The following ARL6 variants were observed in gnomAD, a reference collection of about 807,000 sequenced individuals.
The protein encoded by ARL6 is ADP-ribosylation factor-like protein 6.
A neutral mutation model predicts 27.1 loss-of-function variants in ARL6; 18 were observed. The observed-to-expected ratio is 0.66, with a 90% CI of 0.46 to 0.98. The LOEUF (loss-of-function observed/expected upper bound fraction) is 0.98. ARL6 is among the 50% of genes least tolerant of loss of function. The pLI is 0.00. For missense variants in ARL6, 187 were observed against 214.9 expected (o/e 0.87, Z 0.81); for synonymous variants, 65 against 72.3 (o/e 0.90, Z 0.51).
chr3:97,768,214 A>C lies in ARL6; in HGVS notation c.107A>C (p.Lys36Thr). ...DNSGKTTIIN[K>T]LKPSNAQSQN... ...AGTGGCAAAACGACGATCATTAACA[A>C]ACTTAAACCTTCAAATGTAAGTATC... The change falls in exon 2 of 8, where the codon AAA (lysine) becomes ACA (threonine). Residue 36 changes from lysine (K) to threonine (T), a missense_variant. Coordinates refer to ENST00000463745, the MANE Select transcript of ARL6 (RefSeq NM_001278293.3). 6.2e-7 allele frequency: 1 copy of C among 1,612,748 alleles called. No homozygotes were observed. Among genetic ancestry groups the C allele is most frequent in the African/African-American group, 1.3e-5 (1 of 75,018 alleles).
At chr3:97,772,417 C>G (rs1246549551) in intron 2 of ARL6, among the ~76,000 whole-genome samples, 1 of 150,466 alleles carries the variant, frequency 6.6e-6, no homozygotes, top group African/African-American at 2.4e-5. Flanking sequence ...TTTTTTTTTC[C>G]TAGTTTATCT....
Position 97,768,083 on chromosome 3 carries a change from G to A in ARL6, c.-25G>A, listed in dbSNP as rs755929591. 9.3e-6 allele frequency: 15 copies of A among 1,611,676 alleles called. No homozygotes were observed. The highest frequency in any genetic ancestry group is 1.7e-5 in the Admixed American group (1 of 59,934). On this transcript the variant is annotated splice_region_variant and 5_prime_UTR_variant, in exon 2 of 8. Coordinates refer to ENST00000463745, the MANE Select transcript of ARL6 (RefSeq NM_001278293.3). ...ATTTTATTTTTTCTTAATTGCAGCT[G>A]GTTTGTAAATATTTGAATCACATTA...
chr3:97,796,067 T>C (rs2037985441), intron 7 of ARL6, among the ~76,000 whole-genome samples: 5 of 152,170 alleles, frequency 3.3e-5, no homozygotes, highest in Admixed American at 3.3e-4. Flanking sequence ...AAGACCATAT[T>C]TGACAAGCTT....
chr3:97,777,740 T>C (rs1358313956), intron 2 of ARL6, among the ~76,000 whole-genome samples: 2 of 152,220 alleles, frequency 1.3e-5, no homozygotes, highest in Non-Finnish European at 2.9e-5. Flanking sequence ...AACTATCTTT[T>C]GGAATATGTT....
At position 97,770,741 on chromosome 3, in the gene ARL6, C is replaced by T. The variant is rs1029250025; in HGVS notation, c.123+2511C>T. Among the ~76,000 whole-genome samples, 12 of 152,184 alleles carry T rather than the reference C, an allele frequency of 7.9e-5. No individual in the cohort carries two copies. In the South Asian group the frequency reaches 2.5e-3, roughly 32 times the overall value. ...ATAGGGGTCTAGTTTCAGTCTTCTA[C>T]ATGTGTTTATCCAGTGTTCCAGCAT... On this transcript the variant is annotated intron_variant, in intron 2 of 7. Coordinates refer to ENST00000463745, the MANE Select transcript of ARL6 (RefSeq NM_001278293.3).
At chr3:97,766,470 C>T (rs2036386750) in intron 1 of ARL6, among the ~76,000 whole-genome samples, 1 of 152,174 alleles carries the variant, frequency 6.6e-6, no homozygotes, top group African/African-American at 2.4e-5. Flanking sequence ...CAAACTCATC[C>T]TTGGGGAAAG....
At chr3:97,765,834 A>C (rs1241739211) in intron 1 of ARL6, among the ~76,000 whole-genome samples, 1 of 152,238 alleles carries the variant, frequency 6.6e-6, no homozygotes, top group Non-Finnish European at 1.5e-5. Flanking sequence ...TTAAGACACG[A>C]TTAACAAATA....
chr3:97,777,342 C>T (rs2036957613), intron 2 of ARL6, among the ~76,000 whole-genome samples: 1 of 152,032 alleles, frequency 6.6e-6, no homozygotes, highest in African/African-American at 2.4e-5. Flanking sequence ...AGATTTGTTC[C>T]AGGACACACA....
Position 97,792,317 on chromosome 3 carries a change from T to A in ARL6, c.535+491T>A, listed in dbSNP as rs1576473685. Among the ~76,000 whole-genome samples the A allele has an allele frequency of 2.6e-5, 4 of 152,244 alleles. No homozygotes were observed. The South Asian group carries it at 8.3e-4, about 32-fold the overall frequency. On this transcript the variant is annotated intron_variant, in intron 7 of 7. Coordinates refer to ENST00000463745, the MANE Select transcript of ARL6 (RefSeq NM_001278293.3). ...GGCCAACATGGTGAAACCCTGTCTC[T>A]ACTAAAAATAGAAAAATTAGCTGGA...
chr3:97,792,003 C>A, intron 7 of ARL6, 177 bp downstream of exon 7: 1 of 592,646 alleles, frequency 1.7e-6, no homozygotes, highest in Non-Finnish European at 3.0e-6. Flanking sequence ...ACTTCTATCA[C>A]ATATTGCTAA....
intron 5 of ARL6, among the ~76,000 whole-genome samples, chr3:97,785,389 A>G (rs1216292512): frequency 6.6e-6 from 1 of 150,696 alleles, no homozygotes; most frequent in African/African-American, 2.4e-5. Flanking sequence ...GTGTATTTCA[A>G]CACCCATTAA....
chr3:97,791,487 C>T, intron 6 of ARL6: 1 of 383,918 alleles, frequency 2.6e-6, no homozygotes, highest in Non-Finnish European at 4.7e-6. Flanking sequence ...ACTTTTCTAC[C>T]ACTGGAAAAA....
intron 5 of ARL6, among the ~76,000 whole-genome samples, chr3:97,787,414 A>G (rs2037510661): frequency 6.6e-6 from 1 of 152,198 alleles, no homozygotes; most frequent in East Asian, 1.9e-4. Flanking sequence ...TGCCTTTTCT[A>G]CAGAGACCAT....
chr3:97,794,231 G>A (rs1490406714), intron 7 of ARL6, among the ~76,000 whole-genome samples: 1 of 149,334 alleles, frequency 6.7e-6, no homozygotes, highest in Non-Finnish European at 1.5e-5. Context: ...TTGAGATGGA[G>A]TTTCACTCTT....
chr3:97,775,026 A>G (rs1444808901), intron 2 of ARL6, among the ~76,000 whole-genome samples: 2 of 152,322 alleles, frequency 1.3e-5, no homozygotes, highest in East Asian at 3.9e-4. Context: ...TTTATTTTGC[A>G]TAACTCTCTA....
In ARL6 at chr3:97,798,592, G is replaced by A. The variant is rs534415802; in HGVS notation, c.*543G>A. ...TAATGCTCTGTTAGTATGGTATTTC[G>A]TGTCATACTGTCAAGCATTTGTAAA... On this transcript the variant is annotated 3_prime_UTR_variant, in exon 8 of 8. Coordinates refer to ENST00000463745, the MANE Select transcript of ARL6 (RefSeq NM_001278293.3). 7.9e-5 allele frequency: 12 copies of A among 152,660 alleles called. No individual in the cohort carries two copies. Among genetic ancestry groups the A allele is most frequent in the African/African-American group, 2.9e-4 (12 of 41,498 alleles). The allele number at this position is 152,660 out of a possible 1,614,324, so 9.5% of individuals were successfully genotyped here.
At chr3:97,795,994 A>C (rs552440678) in intron 7 of ARL6, among the ~76,000 whole-genome samples, 1 of 152,348 alleles carries the variant, frequency 6.6e-6, no homozygotes, top group South Asian at 2.1e-4. Context: ...CCTAAGAGCA[A>C]ATATCTAAAG....
intron 2 of ARL6, among the ~76,000 whole-genome samples, chr3:97,768,927 A>C (rs1378678505): frequency 6.6e-6 from 1 of 152,026 alleles, no homozygotes; most frequent in Non-Finnish European, 1.5e-5. Context: ...GAGGGGTTTC[A>C]AACCTCTGTC....
chr3:97,773,587 A>G (rs1352577660), intron 2 of ARL6, among the ~76,000 whole-genome samples: 1 of 152,244 alleles, frequency 6.6e-6, no homozygotes, highest in Non-Finnish European at 1.5e-5. Context: ...ACAACCGGAA[A>G]TATACCAATC....
Sources: gnomAD v4.1 joint callset for allele counts (sites outside exome capture counted in the v4.1 genomes callset) on GRCh38, gnomAD v4.1.1 for gene constraint, MANE v1.5 for transcripts, NCBI Gene and HGNC (gene_info 2026-07-23, HGNC 2026-07-21) for gene names.